The following MACROD2 variants were observed in gnomAD, a reference collection of about 807,000 sequenced individuals.
The protein encoded by MACROD2 is ADP-ribose glycohydrolase MACROD2.
Under a neutral mutation model 70.4 loss-of-function variants are expected in MACROD2, and 36 were observed. The observed-to-expected ratio is 0.51, with a 90% CI of 0.39 to 0.68. The LOEUF (loss-of-function observed/expected upper bound fraction) is 0.68. MACROD2 is among the 30% of genes least tolerant of loss of function. MACROD2 has a pLI of 0.00. For missense variants in MACROD2, 496 were observed against 538.4 expected (o/e 0.92, Z 0.78); for synonymous variants, 172 against 178.8 (o/e 0.96, Z 0.30).
At chr20:14,508,256 C>T (rs138579460) in intron 4 of MACROD2, among the ~76,000 whole-genome samples, 128 of 152,342 alleles carry the variant, frequency 8.4e-4, no homozygotes, top group Non-Finnish European at 1.7e-3. Context: ...TACAGTCAGT[C>T]TGCAAAGATG....
At chr20:15,843,389 A>C (rs1015777336) in intron 8 of MACROD2, among the ~76,000 whole-genome samples, 1 of 152,178 alleles carries the variant, frequency 6.6e-6, no homozygotes, top group African/African-American at 2.4e-5. Context: ...GGTTTATACC[A>C]GTTCATGTTC....
At chr20:14,297,710 C>T (rs575942193) in intron 3 of MACROD2, among the ~76,000 whole-genome samples, 8 of 152,024 alleles carry the variant, frequency 5.3e-5, no homozygotes, top group South Asian at 2.1e-4. Context: ...CAGCCAGTGT[C>T]GTTGTAGAAA....
At chr20:14,870,994 T>G (rs2073481391) in intron 5 of MACROD2, among the ~76,000 whole-genome samples, 2 of 152,176 alleles carry the variant, frequency 1.3e-5, no homozygotes, top group African/African-American at 2.4e-5. Context: ...GCAATTGCTT[T>G]TAGTGTCTTC....
chr20:14,052,025 T>A (rs1024135330), intron 2 of MACROD2: 4 of 448,810 alleles, frequency 8.9e-6, no homozygotes, highest in Non-Finnish European at 1.3e-5. Context: ...TTACAGGTAT[T>A]CTTCTTACAT....
At chr20:14,702,865 T>C (rs908913476) in intron 5 of MACROD2, among the ~76,000 whole-genome samples, 95 of 151,014 alleles carry the variant, frequency 6.3e-4, no homozygotes, top group African/African-American at 2.1e-3. Flanking sequence ...GTAGCTAGGA[T>C]TATAGGTGCC....
At chr20:14,434,189 C>T (rs914389074) in intron 3 of MACROD2, among the ~76,000 whole-genome samples, 16 of 152,066 alleles carry the variant, frequency 1.1e-4, no homozygotes, top group South Asian at 6.2e-4. Context: ...TTCTATAATG[C>T]GATTCTGTAT....
chr20:15,187,544 A>C (rs537849327), intron 5 of MACROD2, among the ~76,000 whole-genome samples: 1 of 152,234 alleles, frequency 6.6e-6, no homozygotes, highest in African/African-American at 2.4e-5. Context: ...TATATACTGG[A>C]ACATCTCTCA....
chr20:15,484,673 G>A (rs1406597752), intron 7 of MACROD2, among the ~76,000 whole-genome samples: 1 of 152,178 alleles, frequency 6.6e-6, no homozygotes, highest in East Asian at 1.9e-4. Flanking sequence ...ACTTCTGGAA[G>A]CATGAGGGGA....
intron 8 of MACROD2, among the ~76,000 whole-genome samples, chr20:15,528,427 C>A (rs1420126820): frequency 6.6e-6 from 1 of 152,156 alleles, no homozygotes; most frequent in Non-Finnish European, 1.5e-5. Flanking sequence ...GGCCTGGATG[C>A]TTTTTTATCA....
At chr20:14,576,244 A>G (rs1980591830) in intron 4 of MACROD2, among the ~76,000 whole-genome samples, 1 of 152,130 alleles carries the variant, frequency 6.6e-6, no homozygotes, top group Admixed American at 6.5e-5. Context: ...GAATGTGAAG[A>G]CTCAGGCCCA....
chr20:15,803,512 A>T (rs544486657), intron 8 of MACROD2, among the ~76,000 whole-genome samples: 2 of 152,314 alleles, frequency 1.3e-5, no homozygotes, highest in African/African-American at 2.4e-5. Flanking sequence ...TCATTATGTC[A>T]GAAGAAAAAA....
intron 8 of MACROD2, among the ~76,000 whole-genome samples, chr20:15,567,783 T>G (rs535024656): frequency 6.6e-6 from 1 of 152,324 alleles, no homozygotes; most frequent in South Asian, 2.1e-4. Flanking sequence ...AGGGAAAACT[T>G]GGCCTGCTTA....
intron 5 of MACROD2, among the ~76,000 whole-genome samples, chr20:15,035,917 C>A (rs559603325): frequency 6.6e-6 from 1 of 151,920 alleles, no homozygotes; most frequent in East Asian, 1.9e-4. Context: ...TTTAGGAGAT[C>A]TGGTGTCAGT....
chr20:15,324,897 T>G (rs566792491), intron 6 of MACROD2, among the ~76,000 whole-genome samples: 1 of 152,190 alleles, frequency 6.6e-6, no homozygotes, highest in Non-Finnish European at 1.5e-5. Flanking sequence ...TTTACAAGTT[T>G]GCATAACTTG....
chr20:14,796,197 G>T (rs1227340842), intron 5 of MACROD2, among the ~76,000 whole-genome samples: 2 of 152,066 alleles, frequency 1.3e-5, no homozygotes, highest in Non-Finnish European at 2.9e-5. Flanking sequence ...GCTCTGAAAG[G>T]TTTTCTGTCT....
intron 5 of MACROD2, among the ~76,000 whole-genome samples, chr20:14,748,971 C>T (rs2071834792): frequency 6.6e-6 from 1 of 152,022 alleles, no homozygotes; most frequent in Non-Finnish European, 1.5e-5. Context: ...GCCACCCACC[C>T]AAGTCATTAA....
intron 9 of MACROD2, among the ~76,000 whole-genome samples, chr20:15,864,971 C>T (rs1213257033): frequency 6.6e-6 from 1 of 151,942 alleles, no homozygotes; most frequent in Admixed American, 6.5e-5. Flanking sequence ...CATAATATAC[C>T]TTACCTGTCA....
intron 5 of MACROD2, among the ~76,000 whole-genome samples, chr20:15,013,757 T>C (rs2075100899): frequency 6.6e-6 from 1 of 152,158 alleles, no homozygotes; most frequent in Non-Finnish European, 1.5e-5. Flanking sequence ...CCCTCCCTAA[T>C]AAAGCTCCTG....
chr20:15,148,328 A>G (rs886973685), intron 5 of MACROD2, among the ~76,000 whole-genome samples: 1 of 152,038 alleles, frequency 6.6e-6, no homozygotes, highest in Non-Finnish European at 1.5e-5. Context: ...TTGAAAAACT[A>G]AACGGAATAA....
Sources: allele counts gnomAD v4.1 joint callset (sites outside exome capture counted in the v4.1 genomes callset), GRCh38; gene constraint gnomAD v4.1.1; transcripts MANE v1.5; gene names NCBI Gene and HGNC (gene_info 2026-07-23, HGNC 2026-07-21).